The following CDK6 variants were observed in gnomAD, a reference collection of about 807,000 sequenced individuals.
CDK6 encodes cyclin-dependent kinase 6.
In CDK6, 6 loss-of-function variants were observed where a neutral mutation model predicts 37.1. That is an observed-to-expected ratio of 0.16 (90% CI 0.09 to 0.32). The LOEUF is 0.32. Ranked by LOEUF, CDK6 falls within the 10% of genes least tolerant of loss-of-function variation. The pLI is 1.00. For synonymous variants in CDK6, 160 were observed against 161.3 expected (o/e 0.99, Z 0.06); for missense variants, 224 against 418.9 (o/e 0.53, Z 4.06).
At chr7:92,777,544 C>A (rs1235064173) in intron 2 of CDK6, among the ~76,000 whole-genome samples, 1 of 152,160 alleles carries the variant, frequency 6.6e-6, no homozygotes, top group Non-Finnish European at 1.5e-5. Flanking sequence ...CCGTGCCCAG[C>A]CATGTGGCAT....
chr7:92,806,096 A>G (rs1412632181), intron 2 of CDK6, among the ~76,000 whole-genome samples: 1 of 152,228 alleles, frequency 6.6e-6, no homozygotes, highest in Non-Finnish European at 1.5e-5. Context: ...TTTATTGACC[A>G]CATATGTTAT....
chr7:92,668,754 T>C (rs914782880), intron 5 of CDK6, among the ~76,000 whole-genome samples: 5 of 152,090 alleles, frequency 3.3e-5, no homozygotes, highest in Non-Finnish European at 5.9e-5. Context: ...ACCCCAGAAC[T>C]CATCTGGCAT....
chr7:92,821,952 C>T lies in CDK6; in HGVS notation c.233+11139G>A, dbSNP rs558137687. ...TTATACAAGGCTCTTTAGGGGAATG[C>T]ATGTCAATATTTTAATATGACATAC... is the stretch of plus-strand genomic sequence containing the variant. On this transcript the variant is annotated intron_variant, in intron 2 of 7. Transcript: ENST00000424848. Among the ~76,000 whole-genome samples, 57 of 152,070 alleles carry T rather than the reference C, an allele frequency of 3.7e-4. 1 individual carries two copies. Among genetic ancestry groups the T allele is most frequent in the African/African-American group, 1.3e-3 (54 of 41,508 alleles).
intron 2 of CDK6, among the ~76,000 whole-genome samples, chr7:92,831,418 A>G (rs956045155): frequency 4.6e-5 from 7 of 152,216 alleles, no homozygotes; most frequent in Non-Finnish European, 1.0e-4. Context: ...GGTAACAGAC[A>G]AAATAAAACA....
chr7:92,781,653 A>G (rs1349265973), intron 2 of CDK6, among the ~76,000 whole-genome samples: 1 of 152,182 alleles, frequency 6.6e-6, no homozygotes, highest in African/African-American at 2.4e-5. Flanking sequence ...ATTCACAGGA[A>G]GTTCTATGAG....
At chr7:92,712,834 C>CTATGTATG (rs4015287) in intron 4 of CDK6, among the ~76,000 whole-genome samples, 4,704 of 146,398 alleles carry the variant, frequency 0.032, 94 homozygotes, top group Non-Finnish European at 0.038. Context: ...GACATTAATC[C>CTATGTATG]TATGTATGTA....
At chr7:92,681,469 C>A (rs1007150263) in intron 4 of CDK6, among the ~76,000 whole-genome samples, 2 of 152,170 alleles carry the variant, frequency 1.3e-5, no homozygotes, top group Admixed American at 1.3e-4. Flanking sequence ...ACCTCTCCCC[C>A]ATTTTATCTA....
rs1401236667 is a variant in CDK6, at chr7:92,612,984, C to T, written c.*2156G>A. The T allele has an allele frequency of 4.3e-6, 1 of 232,944 alleles. No homozygotes were observed. Among genetic ancestry groups the T allele is most frequent in the South Asian group, 1.8e-4 (1 of 5,524 alleles). The allele number at this position is 232,944 out of a possible 1,614,324, so 14.4% of individuals were successfully genotyped here. ...CATGTGAGACTTTGAGTAGACCTGA[C>T]CTTGAATGCTGTGGATTCATTATAT... On this transcript the variant is annotated 3_prime_UTR_variant, in exon 8 of 8. Coordinates refer to ENST00000424848, the MANE Select transcript of CDK6 (RefSeq NM_001145306.2).
chr7:92,624,095 C>T (rs975798798), intron 5 of CDK6, among the ~76,000 whole-genome samples: 7 of 152,058 alleles, frequency 4.6e-5, no homozygotes, highest in East Asian at 1.9e-4. Context: ...GAGAATCCTG[C>T]AGTCATAGCA....
At position 92,788,261 on chromosome 7, in the gene CDK6, G is replaced by A. The variant is rs576747694; in HGVS notation, c.234-13430C>T. ...AAGGAAAATGTTTCATGGTGTTAACGGTAATGAAAACTGTGGGAGATAATT... is the reference window on the plus strand; with the variant it reads ...AAGGAAAATGTTTCATGGTGTTAACAGTAATGAAAACTGTGGGAGATAATT... On this transcript the variant is annotated intron_variant, in intron 2 of 7. Coordinates refer to ENST00000424848, the MANE Select transcript of CDK6 (RefSeq NM_001145306.2). Among the ~76,000 whole-genome samples the A allele has an allele frequency of 1.4e-4, 21 of 152,212 alleles. No homozygotes were observed. In the South Asian group the frequency reaches 1.7e-3, roughly 12 times the overall value.
At chr7:92,694,487 TTAA>T (rs1245174042) in intron 4 of CDK6, among the ~76,000 whole-genome samples, 1 of 152,168 alleles carries the variant, frequency 6.6e-6, no homozygotes, top group East Asian at 1.9e-4. Flanking sequence ...TGAAAGAACA[TTAA>T]TAATTACTCA....
In CDK6 at chr7:92,629,773, A is replaced by G. The variant is rs532667665; in HGVS notation, c.648-6687T>C. On this transcript the variant is annotated intron_variant, in intron 5 of 7. Coordinates refer to ENST00000424848, the MANE Select transcript of CDK6 (RefSeq NM_001145306.2). ...TGGAGTACTGCAAACTGGGTGGCTT[A>G]AACAACAGAAATTAATTTTCTTGTG... Among the ~76,000 whole-genome samples, 17 of 152,188 alleles carry G rather than the reference A, an allele frequency of 1.1e-4. No individual in the cohort carries two copies. The East Asian group carries it at 3.3e-3, about 29-fold the overall frequency.
intron 2 of CDK6, among the ~76,000 whole-genome samples, chr7:92,781,969 G>T (rs1421576290): frequency 6.6e-6 from 1 of 152,166 alleles, no homozygotes; most frequent in African/African-American, 2.4e-5. Context: ...TATGGACTCT[G>T]TGTGCACTTA....
chr7:92,725,168 T>G, intron 4 of CDK6: 1 of 985,420 alleles, frequency 1.0e-6, no homozygotes. Flanking sequence ...TGATTTCTTC[T>G]TTACAGCTGG....
chr7:92,616,345 C>T (rs1795677489), intron 7 of CDK6, among the ~76,000 whole-genome samples: 1 of 152,118 alleles, frequency 6.6e-6, no homozygotes, highest in Non-Finnish European at 1.5e-5. Context: ...AGGCTACTGA[C>T]CTAGAAAAAC....
In CDK6 at chr7:92,611,790, T is replaced by C; in HGVS notation, c.*3350A>G. The C allele has an allele frequency of 4.3e-6, 1 of 230,960 alleles. No individual in the cohort carries two copies. Among genetic ancestry groups the C allele is most frequent in the East Asian group, 6.2e-5 (1 of 16,128 alleles). The allele number at this position is 230,960 out of a possible 1,614,324, so 14.3% of individuals were successfully genotyped here. On this transcript the variant is annotated 3_prime_UTR_variant, in exon 8 of 8. Transcript: ENST00000424848. Reference sequence around the variant, plus strand: ...ATTTTTATTTAACACAATGCTGAGATTCTATTCTTAGGTGAATAATTTTCA... The same window carrying C: ...ATTTTTATTTAACACAATGCTGAGACTCTATTCTTAGGTGAATAATTTTCA...
At chr7:92,764,896 A>C (rs960122608) in intron 3 of CDK6, among the ~76,000 whole-genome samples, 4 of 152,212 alleles carry the variant, frequency 2.6e-5, no homozygotes, top group African/African-American at 9.6e-5. Flanking sequence ...CCTTTCACTG[A>C]TTTAAAATTT....
intron 2 of CDK6, among the ~76,000 whole-genome samples, chr7:92,782,436 G>A (rs566335504): frequency 2.2e-4 from 33 of 152,124 alleles, no homozygotes; most frequent in Non-Finnish European, 2.4e-4. Flanking sequence ...AGGGGCCCAC[G>A]GATGGCATGT....
intron 4 of CDK6, among the ~76,000 whole-genome samples, chr7:92,723,281 G>T (rs1413965503): frequency 6.6e-6 from 1 of 152,160 alleles, no homozygotes; most frequent in African/African-American, 2.4e-5. Context: ...CTGGAGTCAG[G>T]CTTTGCAAGG....
Sources: allele counts gnomAD v4.1 joint callset (sites outside exome capture counted in the v4.1 genomes callset), GRCh38; gene constraint gnomAD v4.1.1; transcripts MANE v1.5; gene names NCBI Gene and HGNC (gene_info 2026-07-23, HGNC 2026-07-21).